HS3ST5: variants seen among roughly 807,000 people sequenced by gnomAD.
The protein encoded by HS3ST5 is heparan sulfate-glucosamine 3-sulfotransferase 5.
A neutral mutation model predicts 25.4 loss-of-function variants in HS3ST5; 10 were observed. The observed-to-expected ratio is 0.39, with a 90% CI of 0.24 to 0.67. The LOEUF (loss-of-function observed/expected upper bound fraction) is 0.67, where lower values mean the gene tolerates loss of function less well. Ranked by LOEUF, HS3ST5 falls within the 30% of genes least tolerant of loss-of-function variation. The probability of loss-of-function intolerance (pLI) is 0.44; values close to 1 mark genes in which losing one functional copy is unlikely to be tolerated. For missense variants in HS3ST5, 324 were observed against 420.7 expected (o/e 0.77, Z 2.01); for synonymous variants, 170 against 162.4 (o/e 1.05, Z -0.36).
intron 3 of HS3ST5, among the ~76,000 whole-genome samples, chr6:114,076,079 A>T (rs1774111150): frequency 6.6e-6 from 1 of 152,202 alleles, no homozygotes; most frequent in Non-Finnish European, 1.5e-5. Context: ...GGTGAAGAGG[A>T]CAGTATCTCT....
At chr6:114,182,357 A>G (rs1456313767) in intron 2 of HS3ST5, among the ~76,000 whole-genome samples, 4 of 152,224 alleles carry the variant, frequency 2.6e-5, no homozygotes, top group African/African-American at 9.6e-5. Context: ...TTGTTGGGCA[A>G]TGCTGAGATA....
chr6:114,256,171 A>C (rs572367997), intron 1 of HS3ST5, among the ~76,000 whole-genome samples: 2 of 152,178 alleles, frequency 1.3e-5, no homozygotes, highest in East Asian at 3.9e-4. Flanking sequence ...GGCAGATCAC[A>C]AGGTCAGGAC....
Position 114,236,816 on chromosome 6 carries a change from T to C in HS3ST5, c.-338-8038A>G, listed in dbSNP as rs192035797. Among the ~76,000 whole-genome samples, 25 of 152,350 alleles carry C rather than the reference T, an allele frequency of 1.6e-4. No homozygotes were observed. The East Asian group carries it at 4.6e-3, about 28-fold the overall frequency. The stretch of plus-strand genomic sequence containing the variant: ...ACCTATGCCATGTAACAATCGGTAC[T>C]GCAATTGTATACTCTATTGAAATAT... On this transcript the variant is annotated intron_variant, in intron 1 of 4. Coordinates refer to ENST00000312719, the MANE Select transcript of HS3ST5 (RefSeq NM_153612.4).
chr6:114,126,426 A>G (rs1413929048), intron 3 of HS3ST5, among the ~76,000 whole-genome samples: 1 of 152,196 alleles, frequency 6.6e-6, no homozygotes, highest in Non-Finnish European at 1.5e-5. Context: ...AGGTGGTATG[A>G]AAAGCACTAT....
chr6:114,218,717 T>A (rs1204380734), intron 2 of HS3ST5, among the ~76,000 whole-genome samples: 1 of 152,226 alleles, frequency 6.6e-6, no homozygotes, highest in East Asian at 1.9e-4. Flanking sequence ...TATTACTTGG[T>A]CCCTGTTCAG....
In HS3ST5 at chr6:114,136,486, C is replaced by T. The variant is rs562433975; in HGVS notation, c.-33+31865G>A. Among the ~76,000 whole-genome samples, 5 of 152,320 alleles carry T rather than the reference C, an allele frequency of 3.3e-5. No homozygotes were observed. In the South Asian group the frequency reaches 6.2e-4, roughly 19 times the overall value. On this transcript the variant is annotated intron_variant, in intron 3 of 4. Transcript: ENST00000312719. ...CTTTCCTTTATAAATTACCCAGTCT[C>T]GGATATATCTTTATTAGCAGCATGA...
At chr6:114,235,309 A>G (rs1177917553) in intron 1 of HS3ST5, among the ~76,000 whole-genome samples, 1 of 152,178 alleles carries the variant, frequency 6.6e-6, no homozygotes, top group East Asian at 1.9e-4. Context: ...TATTAATACA[A>G]AGTAAAATTA....
At chr6:114,148,931 C>T (rs564968967) in intron 3 of HS3ST5, among the ~76,000 whole-genome samples, 3 of 152,284 alleles carry the variant, frequency 2.0e-5, no homozygotes, top group South Asian at 4.1e-4. Context: ...AGGATATGAA[C>T]AGACATTTCT....
intron 3 of HS3ST5, among the ~76,000 whole-genome samples, chr6:114,093,316 G>C (rs966674102): frequency 2.0e-5 from 3 of 151,026 alleles, no homozygotes; most frequent in Non-Finnish European, 4.4e-5. Context: ...TCCCTATAAG[G>C]CCTGAGAATG....
chr6:114,333,924 A>G (rs1172592117), intron 1 of HS3ST5, among the ~76,000 whole-genome samples: 1 of 152,188 alleles, frequency 6.6e-6, no homozygotes, highest in Non-Finnish European at 1.5e-5. Flanking sequence ...TAAAATGGAA[A>G]GAAGTATCTC....
chr6:114,257,885 T>C (rs1773003324), intron 1 of HS3ST5, among the ~76,000 whole-genome samples: 1 of 152,096 alleles, frequency 6.6e-6, no homozygotes. Flanking sequence ...TACAGGCATG[T>C]GCTACCACAC....
At chr6:114,176,896 C>T (rs1318375021) in intron 2 of HS3ST5, among the ~76,000 whole-genome samples, 1 of 152,172 alleles carries the variant, frequency 6.6e-6, no homozygotes, top group Non-Finnish European at 1.5e-5. Context: ...ATTCTGCAGC[C>T]AGAGTTGGGA....
intron 1 of HS3ST5, among the ~76,000 whole-genome samples, chr6:114,290,230 C>G (rs1281925788): frequency 6.6e-6 from 1 of 152,120 alleles, no homozygotes; most frequent in African/African-American, 2.4e-5. Context: ...TTCGAAGACA[C>G]ACTAAACACA....
chr6:114,138,630 G>T (rs1582642287), intron 3 of HS3ST5, among the ~76,000 whole-genome samples: 1 of 152,166 alleles, frequency 6.6e-6, no homozygotes, highest in South Asian at 2.1e-4. Context: ...CTTTGTACCG[G>T]ACCCATCTAC....
chr6:114,271,331 C>G (rs1773629361), intron 1 of HS3ST5, among the ~76,000 whole-genome samples: 1 of 151,958 alleles, frequency 6.6e-6, no homozygotes, highest in South Asian at 2.1e-4. Context: ...ATTCCTGTTT[C>G]TCTTTTATAA....
At chr6:114,224,500 TTCTC>T (rs1237233774) in intron 2 of HS3ST5, among the ~76,000 whole-genome samples, 2 of 151,352 alleles carry the variant, frequency 1.3e-5, no homozygotes, top group African/African-American at 2.4e-5. Context: ...AGAGGAAAAG[TTCTC>T]TCTCTGTTTC....
intron 1 of HS3ST5, among the ~76,000 whole-genome samples, chr6:114,241,902 A>C (rs953810384): frequency 6.6e-6 from 1 of 152,180 alleles, no homozygotes; most frequent in African/African-American, 2.4e-5. Context: ...ATGACTATGC[A>C]ATTTAAATTA....
chr6:114,164,608 C>T (rs1257997155), intron 3 of HS3ST5, among the ~76,000 whole-genome samples: 4 of 152,116 alleles, frequency 2.6e-5, no homozygotes, highest in African/African-American at 9.7e-5. Context: ...TTCTAAAATA[C>T]CGTCTAAAGT....
chr6:114,341,805 C>T (rs994762419), intron 1 of HS3ST5, among the ~76,000 whole-genome samples: 1 of 152,082 alleles, frequency 6.6e-6, no homozygotes, highest in Non-Finnish European at 1.5e-5. Context: ...TCCACAGCCA[C>T]CCCAGAAGTG....
Sources: gnomAD v4.1 joint callset for allele counts (sites outside exome capture counted in the v4.1 genomes callset) on GRCh38, gnomAD v4.1.1 for gene constraint, MANE v1.5 for transcripts, NCBI Gene and HGNC (gene_info 2026-07-23, HGNC 2026-07-21) for gene names.